TNFRSF1A: variants seen among roughly 807,000 people sequenced by gnomAD.
The protein encoded by TNFRSF1A is TNF receptor superfamily member 1A, also known as tumor necrosis factor receptor superfamily member 1A.
Under a neutral mutation model 41.6 loss-of-function variants are expected in TNFRSF1A, and 9 were observed. The ratio of observed to expected loss-of-function variants is 0.22; its 90% CI spans 0.13 to 0.38. The LOEUF (loss-of-function observed/expected upper bound fraction) is 0.38. TNFRSF1A is among the 10% of genes least tolerant of loss of function. The pLI is 1.00. For synonymous variants in TNFRSF1A, 254 were observed against 248.6 expected (o/e 1.02, Z -0.21); for missense variants, 463 against 591.5 (o/e 0.78, Z 2.25).
In TNFRSF1A at chr12:6,329,258, G is replaced by A; in HGVS notation, c.*54C>T. The stretch of plus-strand genomic sequence containing the variant: ...CCCCTCCTTTCCAGAAAAAAGTGGG[G>A]TTGGAAGGCGATCTCGCAGGACGGT... On this transcript the variant is annotated 3_prime_UTR_variant, in exon 10 of 10. Coordinates refer to ENST00000162749, the MANE Select transcript of TNFRSF1A (RefSeq NM_001065.4). The A allele has an allele frequency of 7.0e-7, 1 of 1,424,690 alleles. No homozygotes were observed. The highest frequency in any genetic ancestry group is 2.6e-5 in the East Asian group (1 of 38,088). The allele number at this position is 1,424,690 out of a possible 1,614,324, so 88.3% of individuals were successfully genotyped here. A position where few individuals can be genotyped will look rare whatever the true frequency, so the allele number is the denominator to read the frequency against.
Position 6,330,715 on chromosome 12 carries a change from C to T in TNFRSF1A, c.626-4G>A, listed in dbSNP as rs1227831711. ...AGGGGCAACAGCACTGTGGTGCCTG[C>T]AGACAAAGCAGGTGTTGGTCAGAGG... On this transcript the variant is annotated splice_polypyrimidine_tract_variant and splice_region_variant and intron_variant, in intron 6 of 9. Transcript: ENST00000162749. 6.2e-7 allele frequency: 1 copy of T among 1,610,616 alleles called. No homozygotes were observed. The highest frequency in any genetic ancestry group is 1.1e-5 in the South Asian group (1 of 91,008).
At chr12:6,335,564 C>T (rs975622322) in intron 1 of TNFRSF1A, among the ~76,000 whole-genome samples, 7 of 152,196 alleles carry the variant, frequency 4.6e-5, no homozygotes, top group African/African-American at 1.7e-4. Context: ...CTAACTTGGA[C>T]TTTGATCTCT....
chr12:6,329,190 G>T lies in TNFRSF1A; in HGVS notation c.*122C>A. The T allele has an allele frequency of 3.1e-6, 3 of 978,268 alleles. No individual in the cohort carries two copies. Among genetic ancestry groups the T allele is most frequent in the Non-Finnish European group, 4.3e-6 (3 of 700,026 alleles). 60.6% of individuals were successfully genotyped at this position (978,268 alleles called of 1,614,324 possible). A position where few individuals can be genotyped will look rare whatever the true frequency, so the allele number is the denominator to read the frequency against. On this transcript the variant is annotated 3_prime_UTR_variant, in exon 10 of 10. Coordinates refer to ENST00000162749, the MANE Select transcript of TNFRSF1A (RefSeq NM_001065.4). Reference sequence around the variant, plus strand: ...AAAAGCTATGTACATCGAGGGGTTAGCACCAAGTAGGCGGCTGCTAGCTCC... The same window carrying T: ...AAAAGCTATGTACATCGAGGGGTTATCACCAAGTAGGCGGCTGCTAGCTCC...
rs104895277 is a variant in TNFRSF1A at position 6,333,361 on chromosome 12, G to A, written c.472+6C>T. On this transcript the variant is annotated splice_donor_region_variant and intron_variant, in intron 4 of 9. Coordinates refer to ENST00000162749, the MANE Select transcript of TNFRSF1A (RefSeq NM_001065.4). This position sits in a 1 kb window ranked among gnomAD's most constrained non-coding sequence, Gnocchi z 6.3. ...GAGGGCTTGGCCTCAGGAGAGCTGC[G>A]CTCACAGGAGAGGTGCACGGTCCCA... The A allele has an allele frequency of 3.0e-5, 49 of 1,613,084 alleles. 1 individual carries two copies. The highest frequency in any genetic ancestry group is 1.1e-4 in the South Asian group (10 of 90,876).
chr12:6,341,036 G>A lies in TNFRSF1A; in HGVS notation c.39+740C>T, dbSNP rs1047471600. The stretch of plus-strand genomic sequence containing the variant: ...CAGGGACACTGACCAGGTGGGGGTA[G>A]GACTAGCTCCCTGGGAAGGCTCAGT... On this transcript the variant is annotated intron_variant, in intron 1 of 9. Coordinates refer to ENST00000162749, the MANE Select transcript of TNFRSF1A (RefSeq NM_001065.4). The surrounding 1 kb of genome is among the most constrained non-coding windows in gnomAD (Gnocchi z 4.6). Among the ~76,000 whole-genome samples the A allele has an allele frequency of 1.6e-4, 25 of 152,178 alleles. No homozygotes were observed. The highest frequency in any genetic ancestry group is 5.8e-4 in the African/African-American group (24 of 41,434).
At position 6,333,534 on chromosome 12, in the gene TNFRSF1A, T is replaced by C; in HGVS notation, c.323-18A>G. On this transcript the variant is annotated intron_variant, in intron 3 of 9. Coordinates refer to ENST00000162749, the MANE Select transcript of TNFRSF1A (RefSeq NM_001065.4). The surrounding 1 kb of genome is among the most constrained non-coding windows in gnomAD (Gnocchi z 6.3). ...ACCCATTTCTGGTGAGGGGAGAAGA[T>C]GGGGTATGAGTCCTGCATCCTCCTG... The C allele has an allele frequency of 6.2e-7, 1 of 1,614,096 alleles. No individual in the cohort carries two copies. Among genetic ancestry groups the C allele is most frequent in the South Asian group, 1.1e-5 (1 of 91,070 alleles).
intron 1 of TNFRSF1A, among the ~76,000 whole-genome samples, chr12:6,339,148 C>T (rs190561528): frequency 5.9e-4 from 90 of 152,276 alleles, no homozygotes; most frequent in African/African-American, 2.1e-3. Context: ...GGCTTCCTGC[C>T]ACCCTGCCCA....
At chr12:6,335,727 G>A (rs1948111993) in intron 1 of TNFRSF1A, among the ~76,000 whole-genome samples, 1 of 152,146 alleles carries the variant, frequency 6.6e-6, no homozygotes, top group African/African-American at 2.4e-5. Context: ...CAGGGAAGGA[G>A]GGTCAGGCAG....
chr12:6,331,827 C>A, intron 5 of TNFRSF1A: 1 of 175,018 alleles, frequency 5.7e-6, no homozygotes, highest in South Asian at 8.7e-5. Flanking sequence ...ATGGTGAAAC[C>A]CCATCTCTAC....
At chr12:6,332,664 G>T (rs560492129) in intron 5 of TNFRSF1A, among the ~76,000 whole-genome samples, 1 of 152,060 alleles carries the variant, frequency 6.6e-6, no homozygotes, top group Non-Finnish European at 1.5e-5. Flanking sequence ...AACCTAAGAC[G>T]CCATCAAGAA....
chr12:6,333,897 G>T lies in TNFRSF1A; in HGVS notation c.194-32C>A. ...ATGGGGCCGCAGAGTTAGGCTGCGG[G>T]TGAGAACACAAGGAAGGAGCCCCAT... On this transcript the variant is annotated intron_variant, in intron 2 of 9. Transcript: ENST00000162749. The surrounding 1 kb of genome is among the most constrained non-coding windows in gnomAD (Gnocchi z 6.3). The T allele has an allele frequency of 6.2e-7, 1 of 1,601,852 alleles. No individual in the cohort carries two copies. The highest frequency in any genetic ancestry group is 8.5e-7 in the Non-Finnish European group (1 of 1,173,540).
Position 6,337,487 on chromosome 12 carries a change from C to T in TNFRSF1A, c.40-3243G>A, listed in dbSNP as rs1434645553. Among the ~76,000 whole-genome samples the T allele has an allele frequency of 1.3e-5, 2 of 152,180 alleles. No homozygotes were observed. Among genetic ancestry groups the T allele is most frequent in the East Asian group, 3.9e-4 (2 of 5,192 alleles). Reference sequence around the variant, plus strand: ...GCCACCTTGCAGGGACCCAATTAGTCTTCCTTTCCCCCTCATTCATGTGTC... The same window carrying T: ...GCCACCTTGCAGGGACCCAATTAGTTTTCCTTTCCCCCTCATTCATGTGTC... On this transcript the variant is annotated intron_variant, in intron 1 of 9. Transcript: ENST00000162749. The surrounding 1 kb of genome is among the most constrained non-coding windows in gnomAD (Gnocchi z 4.6).
intron 5 of TNFRSF1A, among the ~76,000 whole-genome samples, chr12:6,332,509 T>G (rs1948065150): frequency 6.8e-6 from 1 of 146,698 alleles, no homozygotes; most frequent in African/African-American, 2.5e-5. Context: ...CAACGTCACA[T>G]AGCCAGTAAG....
In TNFRSF1A at chr12:6,337,356, C is replaced by G. The variant is rs1483355838; in HGVS notation, c.40-3112G>C. On this transcript the variant is annotated intron_variant, in intron 1 of 9. Coordinates refer to ENST00000162749, the MANE Select transcript of TNFRSF1A (RefSeq NM_001065.4). The surrounding 1 kb of genome is among the most constrained non-coding windows in gnomAD (Gnocchi z 4.6). ...GGGTGGCCCAACACCCCTCCAACTCCCCCACAATTTCCGCCAGAGGAGGCT... is the reference window on the plus strand; with the variant it reads ...GGGTGGCCCAACACCCCTCCAACTCGCCCACAATTTCCGCCAGAGGAGGCT... Among the ~76,000 whole-genome samples, 1 of 152,182 alleles carries G rather than the reference C, an allele frequency of 6.6e-6. No homozygotes were observed. Among genetic ancestry groups the G allele is most frequent in the Admixed American group, 6.5e-5 (1 of 15,282 alleles).
chr12:6,339,675 T>G (rs1369391063), intron 1 of TNFRSF1A, among the ~76,000 whole-genome samples: 1 of 152,186 alleles, frequency 6.6e-6, no homozygotes, highest in Non-Finnish European at 1.5e-5. Context: ...TTTGTGGATA[T>G]TTTCCTCGGG....
rs1948006047 is a variant in TNFRSF1A, at chr12:6,329,607, G to A, written c.1073C>T (p.Thr358Met). The A allele has an allele frequency of 6.3e-7, 1 of 1,593,700 alleles. No homozygotes were observed. The highest frequency in any genetic ancestry group is 1.1e-5 in the South Asian group (1 of 90,498). The change falls in exon 10 of 10, where the codon ACG becomes ATG. Residue 358 changes from threonine (T) to methionine (M), a missense_variant. Physicochemically the swap from Thr to Met is moderately conservative, Grantham distance 81. Coordinates refer to ENST00000162749, the MANE Select transcript of TNFRSF1A (RefSeq NM_001065.4). ...CACGTTCTCCACCACGGCGTACAGC[G>A]TCGCGGGGTCATCAGCTGCGGGGAC... ...PQSLDTDDPA[T>M]LYAVVENVPP...
At position 6,334,057 on chromosome 12, in the gene TNFRSF1A, C is replaced by T. The variant is rs752820659; in HGVS notation, c.193+34G>A. On this transcript the variant is annotated intron_variant, in intron 2 of 9. Coordinates refer to ENST00000162749, the MANE Select transcript of TNFRSF1A (RefSeq NM_001065.4). The surrounding 1 kb of genome is among the most constrained non-coding windows in gnomAD (Gnocchi z 5.1). ...GCAGAGAAAGAAGCAGCACCCCAGA[C>T]CTGAGGGCATTCACCGTTTCCACTT... The T allele has an allele frequency of 2.5e-6, 4 of 1,613,966 alleles. No individual in the cohort carries two copies. Among genetic ancestry groups the T allele is most frequent in the Non-Finnish European group, 3.4e-6 (4 of 1,179,938 alleles).
chr12:6,339,126 A>G (rs1271311960), intron 1 of TNFRSF1A, among the ~76,000 whole-genome samples: 1 of 152,100 alleles, frequency 6.6e-6, no homozygotes, highest in Non-Finnish European at 1.5e-5. Flanking sequence ...CCACTCCCGA[A>G]CCAAGGTGTC....
intron 7 of TNFRSF1A, 39 bp downstream of exon 7, chr12:6,330,559 C>G: frequency 4.0e-6 from 6 of 1,494,790 alleles, no homozygotes; most frequent in Non-Finnish European, 5.6e-6. Flanking sequence ...CCTCCCTCAC[C>G]CCCACCAGCT....
Sources: allele counts gnomAD v4.1 joint callset (sites outside exome capture counted in the v4.1 genomes callset), GRCh38; gene constraint gnomAD v4.1.1; non-coding constraint Gnocchi (gnomAD v3.1); transcripts MANE v1.5; gene names NCBI Gene and HGNC (gene_info 2026-07-23, HGNC 2026-07-21).